CHUK: variants seen among roughly 807,000 people sequenced by gnomAD.
CHUK encodes inhibitor of nuclear factor kappa-B kinase subunit alpha.
Under a neutral mutation model 104.8 loss-of-function variants are expected in CHUK, and 35 were observed. The ratio of observed to expected loss-of-function variants is 0.33; its 90% CI spans 0.26 to 0.44. The LOEUF (loss-of-function observed/expected upper bound fraction) is 0.44. CHUK is among the 20% of genes least tolerant of loss of function. CHUK has a pLI of 1.00. For missense variants in CHUK, 663 were observed against 902.7 expected (o/e 0.73, Z 3.40); for synonymous variants, 276 against 291.9 (o/e 0.95, Z 0.56).
At chr10:100,208,167 G>A (rs1023697361) in intron 10 of CHUK, among the ~76,000 whole-genome samples, 5 of 151,992 alleles carry the variant, frequency 3.3e-5, no homozygotes, top group Non-Finnish European at 5.9e-5. Flanking sequence ...GTGCAGCGGC[G>A]TGATCATGGC....
In CHUK at chr10:100,209,881, G is replaced by A. The variant is rs1845684035; in HGVS notation, c.934-92C>T. 3 of 652,762 alleles carry A rather than the reference G, an allele frequency of 4.6e-6. No individual in the cohort carries two copies. The Admixed American group carries it at 7.4e-5, about 16-fold the overall frequency. The allele number at this position is 652,762 out of a possible 1,614,324, so 40.4% of individuals were successfully genotyped here. A position where few individuals can be genotyped will look rare whatever the true frequency, so the allele number is the denominator to read the frequency against. On this transcript the variant is annotated intron_variant, in intron 9 of 20. Coordinates refer to ENST00000370397, the MANE Select transcript of CHUK (RefSeq NM_001278.5). Reference sequence around the variant, plus strand: ...ACTAAAAGGTGAATATGGGCAAAAGGCATTATTTCTACATTAAACAAGGCT... The same window carrying A: ...ACTAAAAGGTGAATATGGGCAAAAGACATTATTTCTACATTAAACAAGGCT...
rs1290158638 is a variant in CHUK, at chr10:100,204,614, T to C, written c.1399A>G (p.Asn467Asp). ...RYNANLTKMK[N>D]TLISASQQLK... is the part of the protein sequence containing the mutation. ...TGTTGTGATGCTGAGATCAAAGTGT[T>C]CTTCATTTTTGTTAAGTTAGCATTA... Residue 467 changes from asparagine (N) to aspartate (D), a missense_variant, in exon 13 of 21, where the codon AAC (asparagine) becomes GAC (aspartate). By Grantham distance (23) the Asn-to-Asp change is conservative (BLOSUM62 1). Transcript: ENST00000370397. 1 of 1,613,198 alleles carries C rather than the reference T, an allele frequency of 6.2e-7. No homozygotes were observed.
chr10:100,191,371 A>C (rs895424988), intron 19 of CHUK, among the ~76,000 whole-genome samples: 1 of 152,268 alleles, frequency 6.6e-6, no homozygotes, highest in Non-Finnish European at 1.5e-5. Flanking sequence ...ACCAGCATGC[A>C]TACTTCACAG....
chr10:100,210,097 T>TA (rs1564836593), intron 9 of CHUK, among the ~76,000 whole-genome samples: 9 of 149,104 alleles, frequency 6.0e-5, no homozygotes, highest in African/African-American at 2.0e-4. Context: ...ATTTATTTTT[T>TA]TTTTTTTTGA....
chr10:100,218,140 A>G lies in CHUK; in HGVS notation c.798-10T>C. The G allele has an allele frequency of 5.0e-6, 8 of 1,605,158 alleles. No individual in the cohort carries two copies. Among genetic ancestry groups the G allele is most frequent in the Non-Finnish European group, 6.8e-6 (8 of 1,171,778 alleles). On this transcript the variant is annotated splice_polypyrimidine_tract_variant and intron_variant, in intron 8 of 20. Transcript: ENST00000370397. ...GGGTTCTACTACTAAACTAGAAAAC[A>G]TACAAAATAGGGTGAAAATCAAATC...
chr10:100,208,910 G>A (rs1478511799), intron 10 of CHUK, among the ~76,000 whole-genome samples: 4 of 151,984 alleles, frequency 2.6e-5, no homozygotes, highest in African/African-American at 7.3e-5. Flanking sequence ...TTCTTAACAG[G>A]ACCCGTTCAG....
In CHUK at chr10:100,219,085, A is replaced by G. The variant is rs17885655; in HGVS notation, c.612T>C (p.Tyr204=). The change falls in exon 7 of 21, where the codon TAT becomes TAC. Residue 204 remains tyrosine (Y), a synonymous_variant. Transcript: ENST00000370397. ...ENKPYTATVD[Y]WSFGTMVFEC... is the part of the protein sequence containing the mutation. ...CAAATACCATGGTCCCAAAGCTCCA[A>G]TAATCAACAGTGGCTGTGTAAGGCT... is the stretch of plus-strand genomic sequence containing the variant. 5.7e-4 allele frequency: 916 copies of G among 1,613,868 alleles called. 7 individuals carry two copies. The African/African-American group carries it at 0.011, about 20-fold the overall frequency.
rs368462852 is a variant in CHUK, at chr10:100,202,122, T to C, written c.1535A>G (p.Lys512Arg). ...GTGGATGGCCTTTTCTTCCATTTCTTTCCATGCTTTTAGCATTTTTTCTGA... is the reference window on the plus strand; with the variant it reads ...GTGGATGGCCTTTTCTTCCATTTCTCTCCATGCTTTTAGCATTTTTTCTGA... Reference protein sequence around the residue: ...ISSEKMLKAWKEMEEKAIHYA... With the variant: ...ISSEKMLKAWREMEEKAIHYA... The change falls in exon 14 of 21, where the codon AAA (lysine) becomes AGA (arginine). Residue 512 changes from lysine (K) to arginine (R), a missense_variant. Physicochemically the swap from Lys to Arg is conservative, Grantham distance 26. This residue lies in a region of CHUK where 311 missense variants were observed against 393.4 expected (regional missense o/e 0.79). Transcript: ENST00000370397. The C allele has an allele frequency of 2.6e-5, 42 of 1,612,678 alleles. No homozygotes were observed. In the African/African-American group the frequency reaches 4.0e-4, roughly 15 times the overall value.
At position 100,226,007 on chromosome 10, in the gene CHUK, A is replaced by C. The variant is rs1233802677; in HGVS notation, c.116T>G (p.Leu39Arg). ...VCLYQHRELDLKIAIKSCRLE... is the reference protein window; with the variant it reads ...VCLYQHRELDRKIAIKSCRLE... ...GCGACAAGACTTAATTGCTATTTTG[A>C]GATCAAGTTCCTGCCAAAATAGAAA... Residue 39 changes from leucine (L) to arginine (R), a missense_variant, in exon 2 of 21, where the codon CTC becomes CGC. Coordinates refer to ENST00000370397, the MANE Select transcript of CHUK (RefSeq NM_001278.5). 1.3e-6 allele frequency: 2 copies of C among 1,594,594 alleles called. No homozygotes were observed. The highest frequency in any genetic ancestry group is 3.3e-5 in the Admixed American group (2 of 59,962).
chr10:100,204,650 G>C lies in CHUK; in HGVS notation c.1363C>G (p.Leu455Val). 5 of 1,606,328 alleles carry C rather than the reference G, an allele frequency of 3.1e-6. No homozygotes were observed. Among genetic ancestry groups the C allele is most frequent in the Non-Finnish European group, 4.3e-6 (5 of 1,174,020 alleles). Residue 455 changes from leucine (L) to valine (V), a missense_variant, in exon 13 of 21, where the codon CTT becomes GTT. Physicochemically the swap from Leu to Val is conservative, Grantham distance 32. Transcript: ENST00000370397. ...FQGQRAAMLS[L>V]LRYNANLTKM... The stretch of plus-strand genomic sequence containing the variant: ...GTTAAGTTAGCATTATATCTAAGAA[G>C]ACTTAACCTAAACCACAGCAAGAAA...
At chr10:100,223,610 T>TA (rs11287365) in intron 2 of CHUK, among the ~76,000 whole-genome samples, 51 of 147,198 alleles carry the variant, frequency 3.5e-4, no homozygotes, top group East Asian at 1.6e-3. Context: ...ACATCTCTTT[T>TA]AAAAAAAAAA....
At position 100,196,393 on chromosome 10, in the gene CHUK, T is replaced by G. The variant is rs187617709; in HGVS notation, c.1730-1872A>C. Among the ~76,000 whole-genome samples the G allele has an allele frequency of 1.3e-3, 201 of 151,230 alleles. No homozygotes were observed. In the East Asian group the frequency reaches 0.014, roughly 10 times the overall value. On this transcript the variant is annotated intron_variant, in intron 16 of 20. Coordinates refer to ENST00000370397, the MANE Select transcript of CHUK (RefSeq NM_001278.5). Reference sequence around the variant, plus strand: ...TTTCATTTCTGCTCTGGGTTTTTTTTTTTTTTTTTTTTAAGAAAGTCTTGC... The same window carrying G: ...TTTCATTTCTGCTCTGGGTTTTTTTGTTTTTTTTTTTTAAGAAAGTCTTGC...
chr10:100,194,595 A>G (rs1845282174), intron 16 of CHUK, 74 bp from the exon 17 acceptor site: 1 of 864,834 alleles, frequency 1.2e-6, no homozygotes, highest in Non-Finnish European at 1.9e-6. Context: ...AAATTCCTCA[A>G]AAATCCCTGA....
intron 19 of CHUK, 149 bp downstream of exon 19, chr10:100,193,148 AG>A: frequency 1.2e-6 from 1 of 833,504 alleles, no homozygotes; most frequent in Non-Finnish European, 2.0e-6. Flanking sequence ...ACATCAAAAA[AG>A]TCAAGTAAGT....
At chr10:100,196,626 G>C (rs1845337383) in intron 16 of CHUK, among the ~76,000 whole-genome samples, 1 of 152,018 alleles carries the variant, frequency 6.6e-6, no homozygotes, top group African/African-American at 2.4e-5. Flanking sequence ...GTCTCAAACT[G>C]TTGGCCTCAA....
intron 4 of CHUK, among the ~76,000 whole-genome samples, chr10:100,220,981 T>C (rs964898414): frequency 6.6e-6 from 1 of 152,200 alleles, no homozygotes; most frequent in Non-Finnish European, 1.5e-5. Context: ...AAATCACTCA[T>C]TTCAATTGGA....
intron 16 of CHUK, chr10:100,194,728 G>A: frequency 2.4e-6 from 1 of 412,916 alleles, no homozygotes; most frequent in East Asian, 4.7e-5. Context: ...AAGTTTGCAG[G>A]TGTATAATGT....
chr10:100,196,472 G>C (rs1019256098), intron 16 of CHUK, among the ~76,000 whole-genome samples: 2 of 147,870 alleles, frequency 1.4e-5, no homozygotes, highest in African/African-American at 5.0e-5. Flanking sequence ...CTGCAGCCTC[G>C]ACCTCCTGGG....
At chr10:100,193,471 G>A in intron 18 of CHUK, 40 bp from the exon 19 acceptor site, 1 of 1,611,984 alleles carries the variant, frequency 6.2e-7, no homozygotes, top group Non-Finnish European at 8.5e-7. Context: ...TTACAGGCAA[G>A]CATCTCTGTT....
Sources: allele counts gnomAD v4.1 joint callset (sites outside exome capture counted in the v4.1 genomes callset), GRCh38; gene constraint gnomAD v4.1.1; regional missense constraint gnomAD v4.1.1; transcripts MANE v1.5; gene names NCBI Gene and HGNC (gene_info 2026-07-23, HGNC 2026-07-21).